The following PTPRD variants were observed in gnomAD, a reference collection of about 807,000 sequenced individuals.
The protein encoded by PTPRD is receptor-type tyrosine-protein phosphatase delta.
In PTPRD, 34 loss-of-function variants were observed where a neutral mutation model predicts 214.5. The observed-to-expected ratio is 0.16, with a 90% CI of 0.12 to 0.21. PTPRD has a LOEUF of 0.21. Among genes scored for constraint, PTPRD ranks in the 10% least tolerant of loss-of-function variants. The pLI is 1.00. For missense variants in PTPRD, 2,545 were observed against 2,398.7 expected, an observed-to-expected ratio of 1.06 and a Z score of -1.27; for synonymous variants, 1,128 against 845.7, an observed-to-expected ratio of 1.33 and a Z score of -5.79.
At chr9:8,716,433 C>A (rs1277963645) in intron 12 of PTPRD, among the ~76,000 whole-genome samples, 3 of 152,156 alleles carry the variant, frequency 2.0e-5, no homozygotes, top group Admixed American at 2.0e-4. Flanking sequence ...ACAGAATCAG[C>A]CCAAATGTTT....
intron 2 of PTPRD, among the ~76,000 whole-genome samples, chr9:10,466,107 A>G (rs991451075): frequency 1.3e-5 from 2 of 152,206 alleles, no homozygotes; most frequent in Non-Finnish European, 1.5e-5. Context: ...GATTTGTTGA[A>G]TGATAAATCT....
chr9:9,779,305 T>A (rs1240811958), intron 5 of PTPRD, among the ~76,000 whole-genome samples: 2 of 151,970 alleles, frequency 1.3e-5, no homozygotes, highest in East Asian at 3.9e-4. Flanking sequence ...ACAAAAAAAA[T>A]TTGGCTAAGT....
intron 7 of PTPRD, among the ~76,000 whole-genome samples, chr9:9,677,722 T>A (rs2490568): frequency 0.62 from 94,402 of 151,612 alleles, 29,697 homozygotes; most frequent in Admixed American, 0.69. Flanking sequence ...TGGCCAGGGC[T>A]ATCAGGCAGG....
intron 4 of PTPRD, among the ~76,000 whole-genome samples, chr9:9,974,950 G>T (rs545473267): frequency 6.6e-6 from 1 of 152,260 alleles, no homozygotes; most frequent in East Asian, 1.9e-4. Flanking sequence ...AAGGGGTAGA[G>T]AGAAGGAAAA....
At chr9:10,271,549 CT>C (rs35231135) in intron 3 of PTPRD, among the ~76,000 whole-genome samples, 15 of 51,552 alleles carry the variant, frequency 2.9e-4, no homozygotes, top group Non-Finnish European at 2.7e-4. Context: ...CTTTTCTTTT[CT>C]TTTTTTTTTT....
intron 2 of PTPRD, among the ~76,000 whole-genome samples, chr9:10,605,543 T>A (rs1033239575): frequency 6.6e-5 from 10 of 151,766 alleles, no homozygotes; most frequent in African/African-American, 2.2e-4. Flanking sequence ...GAAAACAGCA[T>A]AGACTGCAAC....
chr9:8,597,849 T>A (rs1490252059), intron 14 of PTPRD, among the ~76,000 whole-genome samples: 1 of 152,180 alleles, frequency 6.6e-6, no homozygotes, highest in African/African-American at 2.4e-5. Context: ...ATGACAAGTA[T>A]AATCCACTAT....
intron 10 of PTPRD, among the ~76,000 whole-genome samples, chr9:9,044,613 G>A (rs73430164): frequency 0.033 from 5,043 of 152,248 alleles, 108 homozygotes; most frequent in African/African-American, 0.07. Flanking sequence ...TTAAATAAAA[G>A]CTGCACTTTA....
intron 8 of PTPRD, among the ~76,000 whole-genome samples, chr9:9,412,743 A>G (rs1038013731): frequency 6.6e-6 from 1 of 152,100 alleles, no homozygotes; most frequent in African/African-American, 2.4e-5. Flanking sequence ...CTCATGCGCC[A>G]TCCCCCAAAA....
chr9:9,705,503 G>C (rs1258195748), intron 7 of PTPRD, among the ~76,000 whole-genome samples: 2 of 151,978 alleles, frequency 1.3e-5, no homozygotes, highest in Non-Finnish European at 2.9e-5. Flanking sequence ...CCAAGAATGA[G>C]ATCACTTCTA....
At chr9:8,592,622 G>A (rs2094193463) in intron 14 of PTPRD, among the ~76,000 whole-genome samples, 1 of 152,054 alleles carries the variant, frequency 6.6e-6, no homozygotes, top group Non-Finnish European at 1.5e-5. Context: ...ATAATAAGCA[G>A]GCTTCCTGAT....
At chr9:9,823,894 A>G (rs1565536193) in intron 5 of PTPRD, among the ~76,000 whole-genome samples, 2 of 152,062 alleles carry the variant, frequency 1.3e-5, no homozygotes, top group Admixed American at 1.3e-4. Context: ...CAAAGAAACA[A>G]TAAATGTTTG....
chr9:9,974,818 G>A (rs985617523), intron 4 of PTPRD, among the ~76,000 whole-genome samples: 8 of 152,204 alleles, frequency 5.3e-5, no homozygotes, highest in South Asian at 2.1e-4. Context: ...GTAAATATTC[G>A]TTGAATTAAT....
At chr9:10,421,479 C>T (rs546937889) in intron 2 of PTPRD, among the ~76,000 whole-genome samples, 1 of 151,988 alleles carries the variant, frequency 6.6e-6, no homozygotes, top group South Asian at 2.1e-4. Flanking sequence ...TTGGCTATAA[C>T]AACTAACAAA....
intron 11 of PTPRD, among the ~76,000 whole-genome samples, chr9:8,895,889 C>T (rs118121890): frequency 6.6e-6 from 1 of 152,250 alleles, no homozygotes; most frequent in East Asian, 1.9e-4. Context: ...GAAGTTGAGC[C>T]GAATAGCACT....
intron 9 of PTPRD, among the ~76,000 whole-genome samples, chr9:9,357,045 T>G (rs1596314943): frequency 6.6e-6 from 1 of 151,328 alleles, no homozygotes; most frequent in Non-Finnish European, 1.5e-5. Context: ...CTCTCATTCC[T>G]TCTCTTCATT....
chr9:10,086,506 G>A (rs763833176), intron 3 of PTPRD, among the ~76,000 whole-genome samples: 4 of 151,774 alleles, frequency 2.6e-5, no homozygotes, highest in African/African-American at 7.3e-5. Context: ...AGATAGGTCT[G>A]TGCTTGACTT....
chr9:9,956,130 C>G (rs2093913747), intron 4 of PTPRD, among the ~76,000 whole-genome samples: 1 of 151,952 alleles, frequency 6.6e-6, no homozygotes. Context: ...AATATATGGT[C>G]TTCATTTCAT....
Position 9,575,040 on chromosome 9 carries a change from C to T in PTPRD, c.-286-259G>A, listed in dbSNP as rs116192251. On this transcript the variant is annotated intron_variant, in intron 7 of 45. Coordinates refer to ENST00000381196, the MANE Select transcript of PTPRD (RefSeq NM_002839.4). The stretch of plus-strand genomic sequence containing the variant: ...GCAGGCAATTATTGTCCACTTGCTT[C>T]TTGTAAGACTATAGCTGATGGATAA... Among the ~76,000 whole-genome samples, 369 of 149,738 alleles carry T rather than the reference C, an allele frequency of 2.5e-3. 1 individual carries two copies. Among genetic ancestry groups the T allele is most frequent in the African/African-American group, 8.7e-3 (357 of 40,896 alleles).
Sources: allele counts gnomAD v4.1 joint callset (sites outside exome capture counted in the v4.1 genomes callset), GRCh38; gene constraint gnomAD v4.1.1; transcripts MANE v1.5; gene names NCBI Gene and HGNC (gene_info 2026-07-23, HGNC 2026-07-21).